PDE4D: variants seen among roughly 807,000 people sequenced by gnomAD.
PDE4D encodes the protein 3',5'-cyclic-AMP phosphodiesterase 4D.
A neutral mutation model predicts 87.4 loss-of-function variants in PDE4D; 24 were observed. That is an observed-to-expected ratio of 0.27 (90% CI 0.20 to 0.39). PDE4D has a LOEUF of 0.39. PDE4D is among the 10% of genes least tolerant of loss of function. PDE4D has a pLI of 1.00. For synonymous variants in PDE4D, 384 were observed against 383.2 expected, an observed-to-expected ratio of 1.00 and a Z score of -0.02; for missense variants, 714 against 1,041.0, an observed-to-expected ratio of 0.69 and a Z score of 4.32.
chr5:59,286,004 T>A, intron 1 of PDE4D, among the ~76,000 whole-genome samples: 1 of 152,232 alleles, frequency 6.6e-6, no homozygotes, highest in East Asian at 1.9e-4. Context: ...GGCAGGATTA[T>A]CCTTCCTTTC....
intron 2 of PDE4D, among the ~76,000 whole-genome samples, chr5:60,118,787 T>C (rs1029010241): frequency 1.3e-5 from 2 of 152,048 alleles, no homozygotes; most frequent in Admixed American, 6.6e-5. Context: ...AGAGTGGTGT[T>C]TATGAAAATG....
intron 1 of PDE4D, among the ~76,000 whole-genome samples, chr5:60,365,762 G>A (rs764433178): frequency 2.6e-5 from 4 of 151,712 alleles, no homozygotes; most frequent in Non-Finnish European, 4.4e-5. Flanking sequence ...TGGCCATTTC[G>A]GCCAGGCGTG....
At chr5:59,461,926 T>C (rs1335679915) in intron 1 of PDE4D, among the ~76,000 whole-genome samples, 1 of 152,178 alleles carries the variant, frequency 6.6e-6, no homozygotes, top group African/African-American at 2.4e-5. Flanking sequence ...ATAATAGATT[T>C]AATGTTTAAA....
At position 60,460,643 on chromosome 5, in the gene PDE4D, A is replaced by G. The variant is rs1746854488; in HGVS notation, c.-90+27299T>C. On this transcript the variant is annotated intron_variant, in intron 1 of 16. Coordinates refer to the PDE4D transcript ENST00000502484. ...TGTTCTTTTTCTCCCTTCCTCAGCA[A>G]GCCTGCAGAGGCCAATGTCTCCTCC... The G allele has an allele frequency of 5.0e-6, 6 of 1,194,918 alleles. No homozygotes were observed. In the East Asian group the frequency reaches 1.4e-4, roughly 28 times the overall value. 74.0% of individuals were successfully genotyped at this position (1,194,918 alleles called of 1,614,324 possible). A position where few individuals can be genotyped will look rare whatever the true frequency, so the allele number is the denominator to read the frequency against.
chr5:59,755,488 A>C (rs578230868), intron 1 of PDE4D, among the ~76,000 whole-genome samples: 1 of 152,326 alleles, frequency 6.6e-6, no homozygotes, highest in Non-Finnish European at 1.5e-5. Context: ...AGGTGATTCA[A>C]GAATGATCAA....
Position 59,141,895 on chromosome 5 carries a change from C to T in PDE4D, c.808+38700G>A, listed in dbSNP as rs371864594. 2.8e-4 allele frequency among the ~76,000 whole-genome samples: 42 copies of T among 152,136 alleles called. 1 individual carries two copies. Among genetic ancestry groups the T allele is most frequent in the Admixed American group, 1.6e-3 (25 of 15,268 alleles). Reference sequence around the variant, plus strand: ...TCAGGGGCTCCCTTCTGATCTTGCACAGTTTTCTAATTATTCCCTTGTTTT... The same window carrying T: ...TCAGGGGCTCCCTTCTGATCTTGCATAGTTTTCTAATTATTCCCTTGTTTT... On this transcript the variant is annotated intron_variant, in intron 5 of 14. Transcript: ENST00000340635.
chr5:59,374,386 T>G (rs1279494664), intron 1 of PDE4D, among the ~76,000 whole-genome samples: 1 of 152,042 alleles, frequency 6.6e-6, no homozygotes, highest in Admixed American at 6.5e-5. Context: ...TCCTAGTTTC[T>G]GACAAAAAAG....
At chr5:59,548,512 T>C (rs1280157404) in intron 1 of PDE4D, among the ~76,000 whole-genome samples, 2 of 152,118 alleles carry the variant, frequency 1.3e-5, no homozygotes, top group Admixed American at 1.3e-4. Context: ...TGTTCTACCT[T>C]CATAAAGCTT....
chr5:59,440,340 C>T (rs572185651), intron 1 of PDE4D, among the ~76,000 whole-genome samples: 6 of 152,106 alleles, frequency 3.9e-5, no homozygotes, highest in South Asian at 4.1e-4. Context: ...CAACAGAAAC[C>T]GGTGCTAACA....
At chr5:59,371,000 G>A (rs530834795) in intron 1 of PDE4D, among the ~76,000 whole-genome samples, 2 of 152,274 alleles carry the variant, frequency 1.3e-5, no homozygotes, top group Non-Finnish European at 2.9e-5. Context: ...TTTGAATGTG[G>A]CCCAACACAA....
upstream of PDE4D, among the ~76,000 whole-genome samples, chr5:59,897,735 A>G (rs173942): frequency 0.35 from 53,297 of 151,918 alleles, 11,691 homozygotes; most frequent in Admixed American, 0.49. Context: ...ATACTTGAGC[A>G]CATGAGTGCT....
intron 1 of PDE4D, among the ~76,000 whole-genome samples, chr5:59,544,822 C>T (rs77997259): frequency 0.025 from 3,840 of 152,258 alleles, 161 homozygotes; most frequent in African/African-American, 0.087. Flanking sequence ...ATAGACAGAA[C>T]ATAGGCACAA....
intron 1 of PDE4D, among the ~76,000 whole-genome samples, chr5:60,397,085 G>T (rs1762937516): frequency 6.6e-6 from 1 of 152,112 alleles, no homozygotes; most frequent in South Asian, 2.1e-4. Flanking sequence ...AATTAAAACT[G>T]CAATGAGCTA....
intron 2 of PDE4D, among the ~76,000 whole-genome samples, chr5:60,098,204 TAGAA>T (rs1185697893): frequency 6.6e-6 from 1 of 151,938 alleles, no homozygotes; most frequent in Non-Finnish European, 1.5e-5. Flanking sequence ...TATGGTTAAA[TAGAA>T]GGAATAAGTT....
At chr5:59,902,076 T>C (rs1267162710) in intron 3 of PDE4D, among the ~76,000 whole-genome samples, 1 of 151,904 alleles carries the variant, frequency 6.6e-6, no homozygotes, top group Non-Finnish European at 1.5e-5. Flanking sequence ...GCACAAATGT[T>C]ACATCAGGAA....
At chr5:59,600,627 G>A (rs1310657998) in intron 1 of PDE4D, among the ~76,000 whole-genome samples, 1 of 152,060 alleles carries the variant, frequency 6.6e-6, no homozygotes, top group African/African-American at 2.4e-5. Flanking sequence ...CCACACAAGG[G>A]GATGTCTCAG....
At chr5:59,652,972 T>C (rs1743753329) in intron 1 of PDE4D, among the ~76,000 whole-genome samples, 1 of 152,156 alleles carries the variant, frequency 6.6e-6, no homozygotes, top group Non-Finnish European at 1.5e-5. Context: ...TATCCAACTG[T>C]TTGGTTATGC....
At chr5:60,427,976 C>T (rs989812396) in intron 1 of PDE4D, among the ~76,000 whole-genome samples, 16 of 151,908 alleles carry the variant, frequency 1.1e-4, no homozygotes, top group Admixed American at 6.6e-5. Flanking sequence ...CTCAGGAGGC[C>T]GAGGCAGGAG....
At chr5:59,888,712 T>C (rs1308997532) in intron 1 of PDE4D, among the ~76,000 whole-genome samples, 1 of 152,136 alleles carries the variant, frequency 6.6e-6, no homozygotes, top group Non-Finnish European at 1.5e-5. Context: ...ATTTTTCAAT[T>C]AATTATTTTG....
Sources: gnomAD v4.1 joint callset for allele counts (sites outside exome capture counted in the v4.1 genomes callset) on GRCh38, gnomAD v4.1.1 for gene constraint, MANE v1.5 for transcripts, NCBI Gene and HGNC (gene_info 2026-07-23, HGNC 2026-07-21) for gene names.